Variants in TAS2R1 observed in about 807,000 individuals in gnomAD.
The protein encoded by TAS2R1 is taste receptor type 2 member 1.
For synonymous variants in TAS2R1, 141 were observed against 134.2 expected, an observed-to-expected ratio of 1.05 and a Z score of -0.35; for missense variants, 370 against 353.4, an observed-to-expected ratio of 1.05 and a Z score of -0.38.
chr5:9,901,344 A>G, the TAS2R1 span, among the ~76,000 whole-genome samples: 1 of 152,080 alleles, frequency 6.6e-6, no homozygotes, highest in South Asian at 2.1e-4. Flanking sequence ...CTAAGCTACC[A>G]GAGAACCTGT....
At chr5:9,644,584 T>C (rs532174844) in intron 2 of TAS2R1, among the ~76,000 whole-genome samples, 42 of 152,268 alleles carry the variant, frequency 2.8e-4, no homozygotes, top group African/African-American at 9.9e-4. Context: ...GATGATATTA[T>C]GTCATGGATG....
At chr5:9,832,453 G>T in the TAS2R1 span, among the ~76,000 whole-genome samples, 1 of 152,230 alleles carries the variant, frequency 6.6e-6, no homozygotes, top group Non-Finnish European at 1.5e-5. Flanking sequence ...TGAGAAGGGA[G>T]AAGGTGGACC....
Position 9,675,160 on chromosome 5 carries a change from G to A in TAS2R1, c.-241-15579C>T, listed in dbSNP as rs1740848667. Among the ~76,000 whole-genome samples the A allele has an allele frequency of 2.0e-5, 3 of 149,446 alleles. No individual in the cohort carries two copies. In the South Asian group the frequency reaches 6.3e-4, roughly 31 times the overall value. ...ATGTAATTTATGTACAGAAAACTCT[G>A]ATGAAATAAATCAAAGAAGATCAAA... On this transcript the variant is annotated intron_variant, in intron 1 of 2. Coordinates refer to the TAS2R1 transcript ENST00000506620.
chr5:9,867,615 G>A, the TAS2R1 span, among the ~76,000 whole-genome samples: 1 of 152,042 alleles, frequency 6.6e-6, no homozygotes, highest in Non-Finnish European at 1.5e-5. Context: ...GATTTGGGTG[G>A]GGACACAGCC....
the TAS2R1 span, among the ~76,000 whole-genome samples, chr5:9,857,459 C>T: frequency 6.6e-6 from 1 of 152,112 alleles, no homozygotes; most frequent in South Asian, 2.1e-4. Context: ...GGAAGAGTAG[C>T]TAATGGATGT....
At chr5:9,643,311 T>C (rs1185854782) in intron 2 of TAS2R1, among the ~76,000 whole-genome samples, 1 of 152,232 alleles carries the variant, frequency 6.6e-6, no homozygotes, top group Admixed American at 6.6e-5. Context: ...TACAAATCTG[T>C]ACAACATGTT....
the TAS2R1 span, among the ~76,000 whole-genome samples, chr5:9,838,901 C>T: frequency 6.6e-6 from 1 of 152,226 alleles, no homozygotes; most frequent in African/African-American, 2.4e-5. Context: ...CTAAACCAAA[C>T]ATCTGAAATG....
intron 2 of TAS2R1, among the ~76,000 whole-genome samples, chr5:9,636,783 C>CT (rs1739972453): frequency 6.6e-6 from 1 of 152,022 alleles, no homozygotes; most frequent in Non-Finnish European, 1.5e-5. Flanking sequence ...CATGGGATAT[C>CT]TTTTTCCACC....
chr5:9,829,554 A>C, the TAS2R1 span, among the ~76,000 whole-genome samples: 26 of 152,200 alleles, frequency 1.7e-4, no homozygotes, highest in African/African-American at 6.0e-4. Flanking sequence ...TGATTACTGA[A>C]ATTAAAATTC....
chr5:9,903,466 C>T, the TAS2R1 span: 1 of 151,950 alleles, frequency 6.6e-6, no homozygotes, highest in Admixed American at 6.6e-5. Context: ...AGTCTTTTAT[C>T]CCAACCCTCA....
the TAS2R1 span, among the ~76,000 whole-genome samples, chr5:9,867,614 G>A: frequency 6.6e-6 from 1 of 152,102 alleles, no homozygotes; most frequent in Non-Finnish European, 1.5e-5. Context: ...AGATTTGGGT[G>A]GGGACACAGC....
chr5:9,762,250 G>A, the TAS2R1 span, among the ~76,000 whole-genome samples: 4 of 151,920 alleles, frequency 2.6e-5, no homozygotes, highest in African/African-American at 7.3e-5. Context: ...ACATACAACC[G>A]CCCCTAAAAT....
chr5:9,866,622 T>C, the TAS2R1 span, among the ~76,000 whole-genome samples: 1 of 152,226 alleles, frequency 6.6e-6, no homozygotes, highest in East Asian at 1.9e-4. Flanking sequence ...CCCTTACTCA[T>C]AGGATATAGG....
At chr5:9,882,498 T>G in the TAS2R1 span, among the ~76,000 whole-genome samples, 5 of 152,096 alleles carry the variant, frequency 3.3e-5, no homozygotes, top group East Asian at 9.6e-4. Flanking sequence ...TGGTGGCAGG[T>G]GCCTGTAATC....
the TAS2R1 span, among the ~76,000 whole-genome samples, chr5:9,803,531 A>G: frequency 2.6e-5 from 4 of 152,254 alleles, no homozygotes; most frequent in Admixed American, 1.3e-4. Flanking sequence ...CTATCAGATT[A>G]ACAGCAGACT....
the TAS2R1 span, among the ~76,000 whole-genome samples, chr5:9,888,605 G>A: frequency 6.6e-6 from 1 of 152,322 alleles, no homozygotes; most frequent in Non-Finnish European, 1.5e-5. Flanking sequence ...GCAACGGTGA[G>A]GAAAGGGCAT....
chr5:9,808,779 T>A, the TAS2R1 span, among the ~76,000 whole-genome samples: 7 of 152,170 alleles, frequency 4.6e-5, no homozygotes, highest in African/African-American at 1.7e-4. Flanking sequence ...CACAGGCTTA[T>A]GAGGTGGACC....
chr5:9,855,777 G>C, the TAS2R1 span, among the ~76,000 whole-genome samples: 1 of 152,216 alleles, frequency 6.6e-6, no homozygotes. Flanking sequence ...AATAGATGCT[G>C]ATGCAAGATA....
chr5:9,873,937 G>T, the TAS2R1 span, among the ~76,000 whole-genome samples: 1 of 149,292 alleles, frequency 6.7e-6, no homozygotes, highest in South Asian at 2.2e-4. Flanking sequence ...GGGAGGGTAG[G>T]GGAGGGGGAG....
Sources: gnomAD v4.1 joint callset for allele counts (sites outside exome capture counted in the v4.1 genomes callset) on GRCh38, gnomAD v4.1.1 for gene constraint, MANE v1.5 for transcripts, NCBI Gene and HGNC (gene_info 2026-07-23, HGNC 2026-07-21) for gene names.